The following TBC1D24 variants were observed in gnomAD, a reference collection of about 807,000 sequenced individuals.
TBC1D24 encodes TBC1 domain family member 24, also known as Infantile myoclonic epilepsy.
A neutral mutation model predicts 50.7 loss-of-function variants in TBC1D24; 47 were observed. The observed-to-expected ratio is 0.93, with a 90% CI of 0.73 to 1.18. The LOEUF (loss-of-function observed/expected upper bound fraction) is 1.18. Ranked by LOEUF, TBC1D24 falls within the 50% of genes most tolerant of loss-of-function variation. The pLI is 0.00. For missense variants in TBC1D24, 688 were observed against 766.5 expected (o/e 0.90, Z 1.21); for synonymous variants, 324 against 335.2 (o/e 0.97, Z 0.36).
In TBC1D24 at chr16:2,482,560, G is replaced by C. The variant is rs928874091; in HGVS notation, c.-116+7390G>C. Among the ~76,000 whole-genome samples, 3 of 152,202 alleles carry C rather than the reference G, an allele frequency of 2.0e-5. No homozygotes were observed. Among genetic ancestry groups the C allele is most frequent in the African/African-American group, 7.2e-5 (3 of 41,456 alleles). ...CGGAAGCTGTTGTCCGAGGGGCAGGGAGGGGCTGGGTCCTGAAGGGCGGGG... is the reference window on the plus strand; with the variant it reads ...CGGAAGCTGTTGTCCGAGGGGCAGGCAGGGGCTGGGTCCTGAAGGGCGGGG... On this transcript the variant is annotated intron_variant, in intron 1 of 7. Coordinates refer to ENST00000646147, the MANE Select transcript of TBC1D24 (RefSeq NM_001199107.2). The surrounding 1 kb of genome is among the most constrained non-coding windows in gnomAD (Gnocchi z 5.2).
Position 2,491,537 on chromosome 16 carries a change from C to T in TBC1D24, c.-115-4497C>T, listed in dbSNP as rs565624173. On this transcript the variant is annotated intron_variant, in intron 1 of 7. Coordinates refer to ENST00000646147, the MANE Select transcript of TBC1D24 (RefSeq NM_001199107.2). ...CTGAGTAGCTGGGACTACAGGTATG[C>T]GCCACCACGCCTGGCTAATTTTTTT... Among the ~76,000 whole-genome samples the T allele has an allele frequency of 2.0e-3, 302 of 151,028 alleles. 1 individual carries two copies. The highest frequency in any genetic ancestry group is 6.7e-3 in the African/African-American group (275 of 41,154).
intron 1 of TBC1D24, among the ~76,000 whole-genome samples, chr16:2,492,830 C>T (rs1383520660): frequency 1.3e-5 from 2 of 152,130 alleles, no homozygotes; most frequent in South Asian, 2.1e-4. Context: ...CGGTGGCTCA[C>T]GCTTCTAATC....
chr16:2,495,903 A>C, intron 1 of TBC1D24, 131 bp from the exon 2 acceptor site: 1 of 500,504 alleles, frequency 2.0e-6, no homozygotes, highest in Non-Finnish European at 3.6e-6. Flanking sequence ...ACTGCACCGC[A>C]CTCCAACCTG....
rs1331769493 is a variant in TBC1D24 at position 2,475,575 on chromosome 16, C to G, written c.-116+405C>G. On this transcript the variant is annotated intron_variant, in intron 1 of 7. Coordinates refer to ENST00000646147, the MANE Select transcript of TBC1D24 (RefSeq NM_001199107.2). The surrounding 1 kb of genome is among the most constrained non-coding windows in gnomAD (Gnocchi z 4.2). ...TGAGATTGCAACAGATTCTGATACG[C>G]CCTGCCCTGTGGACCTGCAGCGGCC... Among the ~76,000 whole-genome samples, 1 of 152,138 alleles carries G rather than the reference C, an allele frequency of 6.6e-6. No individual in the cohort carries two copies.
At chr16:2,498,449 T>C in intron 4 of TBC1D24, 53 bp downstream of exon 4, 1 of 1,531,746 alleles carries the variant, frequency 6.5e-7, no homozygotes, top group Non-Finnish European at 8.8e-7. Context: ...CCACGTGTCC[T>C]GCCCACAGAG....
intron 1 of TBC1D24, chr16:2,481,863 A>G (rs1401540982): frequency 1.3e-5 from 2 of 152,272 alleles, no homozygotes; most frequent in African/African-American, 2.4e-5. Context: ...CAACCGGCCC[A>G]TGGTGTGGTG....
At chr16:2,488,169 G>T (rs990332755) in intron 1 of TBC1D24, among the ~76,000 whole-genome samples, 2 of 152,230 alleles carry the variant, frequency 1.3e-5, no homozygotes. Context: ...TCCTGTGGGC[G>T]CCTTCAGGGG....
At chr16:2,495,003 C>T (rs555472521) in intron 1 of TBC1D24, among the ~76,000 whole-genome samples, 4 of 103,686 alleles carry the variant, frequency 3.9e-5, no homozygotes, top group Middle Eastern at 4.3e-3. Flanking sequence ...AAGACCCCAT[C>T]ACACACACAC....
At chr16:2,489,826 G>C (rs1057340612) in intron 1 of TBC1D24, among the ~76,000 whole-genome samples, 12 of 152,242 alleles carry the variant, frequency 7.9e-5, no homozygotes, top group Non-Finnish European at 1.8e-4. Flanking sequence ...CTGGCCGGCC[G>C]GGCTGGGCTG....
At chr16:2,490,203 C>T (rs1206640144) in intron 1 of TBC1D24, among the ~76,000 whole-genome samples, 2 of 152,184 alleles carry the variant, frequency 1.3e-5, no homozygotes, top group Non-Finnish European at 2.9e-5. Context: ...TTGTGAGTCT[C>T]GTGGGTGTCA....
rs146747684 is a variant in TBC1D24, at chr16:2,494,184, T to A, written c.-115-1850T>A. Among the ~76,000 whole-genome samples the A allele has an allele frequency of 2.2e-3, 328 of 151,952 alleles. 2 individuals are homozygous for A. The highest frequency in any genetic ancestry group is 7.6e-3 in the African/African-American group (316 of 41,414). On this transcript the variant is annotated intron_variant, in intron 1 of 7. Transcript: ENST00000646147. ...ATCCCAACACTTTGGGAGGCCGAGGTGGGTGGATCACGAGATCAGGAGTTC... is the reference window on the plus strand; with the variant it reads ...ATCCCAACACTTTGGGAGGCCGAGGAGGGTGGATCACGAGATCAGGAGTTC...
chr16:2,495,509 G>A (rs181991810), intron 1 of TBC1D24, among the ~76,000 whole-genome samples: 4 of 151,750 alleles, frequency 2.6e-5, no homozygotes, highest in Admixed American at 1.3e-4. Flanking sequence ...AGGCCAGGGC[G>A]GTGGCTCTCG....
chr16:2,497,773 C>G (rs905278426), intron 3 of TBC1D24, 46 bp downstream of exon 3: 13 of 1,529,596 alleles, frequency 8.5e-6, no homozygotes, highest in African/African-American at 5.5e-5. Context: ...GTCTTTCCAC[C>G]AGGCTGACTC....
rs969686132 is a variant in TBC1D24 at position 2,500,634 on chromosome 16, T to C, written c.1525+144T>C. 2 of 1,294,292 alleles carry C rather than the reference T, an allele frequency of 1.5e-6. No individual in the cohort carries two copies. Among genetic ancestry groups the C allele is most frequent in the Non-Finnish European group, 2.1e-6 (2 of 952,104 alleles). The allele number at this position is 1,294,292 out of a possible 1,614,324, so 80.2% of individuals were successfully genotyped here. A position where few individuals can be genotyped will look rare whatever the true frequency, so the allele number is the denominator to read the frequency against. On this transcript the variant is annotated intron_variant, in intron 7 of 7. Transcript: ENST00000646147. The surrounding 1 kb of genome is among the most constrained non-coding windows in gnomAD (Gnocchi z 8.0). ...CCAGGCATGATGGGTGGGAGGGGGCTGGAAGGGAGAGACCAGCCTGGACAG... is the reference window on the plus strand; with the variant it reads ...CCAGGCATGATGGGTGGGAGGGGGCCGGAAGGGAGAGACCAGCCTGGACAG...
intron 1 of TBC1D24, chr16:2,481,248 A>T (rs1157343095): frequency 6.6e-6 from 1 of 152,286 alleles, no homozygotes; most frequent in Non-Finnish European, 1.5e-5. Flanking sequence ...TTGAATGCCT[A>T]TTAAAATGAT....
chr16:2,499,295 G>GC lies in TBC1D24; in HGVS notation c.1143-61dup. ...CCCAAGACAGCTGGGGCCAGCGGAG[G>GC]CTGCAGGAGGCGGCTGGGAGGGTGT... On this transcript the variant is annotated intron_variant, in intron 4 of 7. Transcript: ENST00000646147. This position sits in a 1 kb window ranked among gnomAD's most constrained non-coding sequence, Gnocchi z 4.0. The GC allele has an allele frequency of 1.3e-6, 2 of 1,496,350 alleles. No individual in the cohort carries two copies. The highest frequency in any genetic ancestry group is 1.8e-6 in the Non-Finnish European group (2 of 1,085,372). The allele number at this position is 1,496,350 out of a possible 1,614,324, so 92.7% of individuals were successfully genotyped here.
chr16:2,495,694 G>A (rs549439362), intron 1 of TBC1D24, among the ~76,000 whole-genome samples: 3 of 152,248 alleles, frequency 2.0e-5, no homozygotes, highest in Non-Finnish European at 2.9e-5. Context: ...CTGGAGAATC[G>A]CTTGAACCAG....
rs550541903 is a variant in TBC1D24 at position 2,482,807 on chromosome 16, C to T, written c.-116+7637C>T. On this transcript the variant is annotated intron_variant, in intron 1 of 7. Coordinates refer to ENST00000646147, the MANE Select transcript of TBC1D24 (RefSeq NM_001199107.2). This position sits in a 1 kb window ranked among gnomAD's most constrained non-coding sequence, Gnocchi z 5.2. ...GCTCCATTGGAGAGACAGGCACGGG[C>T]GGTGGAGGAGCAGCCGCGGAGAGGT... 1.3e-5 allele frequency among the ~76,000 whole-genome samples: 2 copies of T among 152,120 alleles called. No individual in the cohort carries two copies. Among genetic ancestry groups the T allele is most frequent in the South Asian group, 2.1e-4 (1 of 4,812 alleles).
At position 2,500,657 on chromosome 16, in the gene TBC1D24, C is replaced by A; in HGVS notation, c.1526-147C>A. The A allele has an allele frequency of 1.5e-6, 2 of 1,302,068 alleles. No individual in the cohort carries two copies. The highest frequency in any genetic ancestry group is 1.0e-6 in the Non-Finnish European group (1 of 958,788). The allele number at this position is 1,302,068 out of a possible 1,614,324, so 80.7% of individuals were successfully genotyped here. A position where few individuals can be genotyped will look rare whatever the true frequency, so the allele number is the denominator to read the frequency against. ...GCTGGAAGGGAGAGACCAGCCTGGA[C>A]AGCTGGTCCTGGGGGCTATGGAGGG... On this transcript the variant is annotated intron_variant, in intron 7 of 7. Coordinates refer to ENST00000646147, the MANE Select transcript of TBC1D24 (RefSeq NM_001199107.2). This position sits in a 1 kb window ranked among gnomAD's most constrained non-coding sequence, Gnocchi z 8.0.
Sources: gnomAD v4.1 joint callset for allele counts (sites outside exome capture counted in the v4.1 genomes callset) on GRCh38, gnomAD v4.1.1 for gene constraint, Gnocchi (gnomAD v3.1) non-coding constraint, MANE v1.5 for transcripts, NCBI Gene and HGNC (gene_info 2026-07-23, HGNC 2026-07-21) for gene names.